The following MALRD1 variants were observed in gnomAD, a reference collection of about 807,000 sequenced individuals.
MALRD1 encodes MAM and LDL receptor class A domain containing 1, also known as MAM and LDL-receptor class A domain-containing protein 1.
MALRD1 carries 247 observed loss-of-function variants against 242.1 expected under a neutral mutation model. That is an observed-to-expected ratio of 1.02 (90% CI 0.92 to 1.13). The LOEUF (loss-of-function observed/expected upper bound fraction) is 1.13. MALRD1 is among the 50% of genes most tolerant of loss of function. The pLI, the probability that MALRD1 is intolerant of heterozygous loss-of-function variation, is 0.00. For synonymous variants in MALRD1, 995 were observed against 866.6 expected, an observed-to-expected ratio of 1.15 and a Z score of -2.60; for missense variants, 2,989 against 2,533.1, an observed-to-expected ratio of 1.18 and a Z score of -3.86.
chr10:19,153,638 A>G (rs1834021366), intron 11 of MALRD1, among the ~76,000 whole-genome samples: 1 of 151,962 alleles, frequency 6.6e-6, no homozygotes, highest in South Asian at 2.1e-4. Flanking sequence ...GCAGTGAGCC[A>G]TAATCATGCT....
chr10:19,401,602 T>C (rs990173864), intron 28 of MALRD1, among the ~76,000 whole-genome samples: 1 of 152,028 alleles, frequency 6.6e-6, no homozygotes, highest in Admixed American at 6.6e-5. Context: ...CATTCAGACA[T>C]TGACATTATT....
At chr10:19,077,508 G>A (rs1167569517) in intron 2 of MALRD1, among the ~76,000 whole-genome samples, 1 of 151,874 alleles carries the variant, frequency 6.6e-6, no homozygotes, top group African/African-American at 2.4e-5. Context: ...TGACCCTAAA[G>A]GGTGCCCTGA....
intron 26 of MALRD1, among the ~76,000 whole-genome samples, chr10:19,369,107 TTATA>T (rs1490656212): frequency 4.1e-5 from 6 of 146,248 alleles, no homozygotes; most frequent in African/African-American, 1.5e-4. Context: ...TTAAATATAT[TTATA>T]TATAACATTT....
At chr10:19,078,589 T>G (rs1835390066) in intron 2 of MALRD1, among the ~76,000 whole-genome samples, 2 of 151,920 alleles carry the variant, frequency 1.3e-5, no homozygotes, top group African/African-American at 4.8e-5. Flanking sequence ...TAAGAGTTTG[T>G]GAAGTATTAG....
intron 21 of MALRD1, among the ~76,000 whole-genome samples, chr10:19,315,025 AAAT>A (rs1194144777): frequency 2.8e-5 from 4 of 142,936 alleles, no homozygotes; most frequent in African/African-American, 5.2e-5. Flanking sequence ...ATAAATATAT[AAAT>A]ATAATTTATA....
chr10:19,384,805 G>C lies in MALRD1; in HGVS notation c.4442-2723G>C, dbSNP rs1588999565. 3.3e-5 allele frequency among the ~76,000 whole-genome samples: 5 copies of C among 149,426 alleles called. No homozygotes were observed. The South Asian group carries it at 1.0e-3, about 31-fold the overall frequency. Reference sequence around the variant, plus strand: ...AGGCTAGGACTACTAGTACTAGTTTGAATAGAAGTGCCAAGACTGGGCATT... The same window carrying C: ...AGGCTAGGACTACTAGTACTAGTTTCAATAGAAGTGCCAAGACTGGGCATT... On this transcript the variant is annotated intron_variant, in intron 26 of 39. Transcript: ENST00000454679.
intron 39 of MALRD1, 80 bp from the exon 40 acceptor site, chr10:19,734,077 G>A (rs1438214152): frequency 1.8e-6 from 2 of 1,111,412 alleles, no homozygotes; most frequent in Non-Finnish European, 2.6e-6. Context: ...GACCTTTGCT[G>A]CATTCTGCGT....
At chr10:19,711,243 A>G (rs1834098685) in intron 38 of MALRD1, 1 of 152,176 alleles carries the variant, frequency 6.6e-6, no homozygotes, top group African/African-American at 2.4e-5. Flanking sequence ...TGGGTTTTCA[A>G]GCTCACTAAT....
chr10:19,566,378 A>G lies in MALRD1; in HGVS notation c.5479-1124A>G, dbSNP rs533168657. Among the ~76,000 whole-genome samples the G allele has an allele frequency of 5.2e-4, 72 of 139,068 alleles. 1 individual carries two copies. In the South Asian group the frequency reaches 0.016, roughly 30 times the overall value. The allele number at this position is 139,068 out of a possible 152,430, so 91.2% of individuals were successfully genotyped here. Reference sequence around the variant, plus strand: ...ATGGTCTCAATCTCCTGACCTCGTGATCTGCCCGCCTTGGCCTCCCAAAGT... The same window carrying G: ...ATGGTCTCAATCTCCTGACCTCGTGGTCTGCCCGCCTTGGCCTCCCAAAGT... On this transcript the variant is annotated intron_variant, in intron 32 of 39. Coordinates refer to ENST00000454679, the MANE Select transcript of MALRD1 (RefSeq NM_001142308.3).
chr10:19,556,658 C>T (rs1242992276), intron 32 of MALRD1, among the ~76,000 whole-genome samples: 4 of 152,054 alleles, frequency 2.6e-5, no homozygotes, highest in African/African-American at 9.7e-5. Flanking sequence ...GTTTATTCAC[C>T]AGTTCAAAGA....
At chr10:19,068,872 A>G (rs1187155520) in intron 2 of MALRD1, among the ~76,000 whole-genome samples, 2 of 152,140 alleles carry the variant, frequency 1.3e-5, no homozygotes, top group Non-Finnish European at 2.9e-5. Context: ...TTGAGAATCC[A>G]TTAGAACATT....
intron 34 of MALRD1, among the ~76,000 whole-genome samples, chr10:19,603,803 A>G (rs576534560): frequency 1.3e-5 from 2 of 152,274 alleles, no homozygotes; most frequent in African/African-American, 2.4e-5. Context: ...ATCTGTGATC[A>G]GTGATCTTTG....
intron 33 of MALRD1, among the ~76,000 whole-genome samples, chr10:19,590,969 T>C (rs1425499394): frequency 6.6e-6 from 1 of 152,184 alleles, no homozygotes; most frequent in Non-Finnish European, 1.5e-5. Flanking sequence ...TTGACAAACA[T>C]ATAATGACAT....
At position 19,730,757 on chromosome 10, in the gene MALRD1, C is replaced by T. The variant is rs1835258301; in HGVS notation, c.6366C>T (p.Asn2122=). ...NCAFVNPVYG[N]WSNPEKTESS... ...CCTTTGTCAATCCAGTTTACGGGAA[C>T]TGGAGCAACCCAGAGAAAACAGAGG... The change falls in exon 39 of 40, where the codon AAC becomes AAT. Residue 2122 remains asparagine, a synonymous_variant. Transcript: ENST00000454679. The T allele has an allele frequency of 7.2e-6, 11 of 1,536,618 alleles. No individual in the cohort carries two copies. The highest frequency in any genetic ancestry group is 8.7e-6 in the Non-Finnish European group (10 of 1,147,010).
At chr10:19,096,526 G>T (rs751064640) in intron 4 of MALRD1, among the ~76,000 whole-genome samples, 2 of 152,180 alleles carry the variant, frequency 1.3e-5, no homozygotes, top group Non-Finnish European at 2.9e-5. Flanking sequence ...TTGCAGGTAT[G>T]CTTTAGTTCT....
chr10:19,437,034 G>A (rs929038598), intron 28 of MALRD1, among the ~76,000 whole-genome samples: 1 of 152,038 alleles, frequency 6.6e-6, no homozygotes, highest in Non-Finnish European at 1.5e-5. Context: ...ATTTGAGGGG[G>A]AATATAATGA....
In MALRD1 at chr10:19,567,542, G is replaced by C. The variant is rs893223989; in HGVS notation, c.5519G>C (p.Trp1840Ser). The change falls in exon 33 of 40, where the codon TGG becomes TCG. Residue 1840 changes from tryptophan to serine, a missense_variant. Transcript: ENST00000454679. ...GAATCGGGGCTAAACATCCTGGTGT[G>C]GTCAGTGATTGGAAATAAAAGAACG... ...IEESGLNILV[W>S]SVIGNKRTGW... 6.5e-6 allele frequency: 10 copies of C among 1,550,306 alleles called. No homozygotes were observed. The highest frequency in any genetic ancestry group is 2.0e-5 in the Admixed American group (1 of 50,966).
intron 36 of MALRD1, among the ~76,000 whole-genome samples, chr10:19,618,976 T>G (rs1353650778): frequency 6.6e-6 from 1 of 152,062 alleles, no homozygotes; most frequent in Non-Finnish European, 1.5e-5. Context: ...CTTGGACCTG[T>G]GAATAAAATC....
chr10:19,304,080 A>C (rs1284429908), intron 21 of MALRD1, among the ~76,000 whole-genome samples: 1 of 151,670 alleles, frequency 6.6e-6, no homozygotes, highest in African/African-American at 2.4e-5. Context: ...ATGATATTTG[A>C]ATCATTGGAC....
Sources: gnomAD v4.1 joint callset for allele counts (sites outside exome capture counted in the v4.1 genomes callset) on GRCh38, gnomAD v4.1.1 for gene constraint, MANE v1.5 for transcripts, NCBI Gene and HGNC (gene_info 2026-07-23, HGNC 2026-07-21) for gene names.